Variants in RSPO2 observed in about 807,000 individuals in gnomAD.
The protein encoded by RSPO2 is R-spondin-2.
In RSPO2, 14 loss-of-function variants were observed where a neutral mutation model predicts 30.9. That is an observed-to-expected ratio of 0.45 (90% CI 0.30 to 0.71). The LOEUF is 0.71. Among genes scored for constraint, RSPO2 ranks in the 30% least tolerant of loss-of-function variants. The pLI, the probability that RSPO2 is intolerant of heterozygous loss-of-function variation, is 0.08. For missense variants in RSPO2, 264 were observed against 301.9 expected, an observed-to-expected ratio of 0.87 and a Z score of 0.93; for synonymous variants, 107 against 96.4, an observed-to-expected ratio of 1.11 and a Z score of -0.64.
Position 107,983,859 on chromosome 8 carries a change from A to G in RSPO2, c.283+5197T>C, listed in dbSNP as rs1181055224. On this transcript the variant is annotated intron_variant, in intron 3 of 5. Coordinates refer to ENST00000276659, the MANE Select transcript of RSPO2 (RefSeq NM_178565.5). ...CTCAACCTGGCAGAAGTTTGCAGCA[A>G]ATACTGGGAAAGCCAAGGACATTCC... The G allele has an allele frequency of 1.9e-5, 30 of 1,566,362 alleles. 1 individual carries two copies. In the Admixed American group the frequency reaches 3.5e-4, roughly 18 times the overall value.
At chr8:107,938,775 G>A (rs891949405) in intron 5 of RSPO2, among the ~76,000 whole-genome samples, 5 of 152,156 alleles carry the variant, frequency 3.3e-5, no homozygotes, top group Admixed American at 1.3e-4. Context: ...GGTGCCAAAT[G>A]CGTTCTGCAA....
chr8:108,080,143 T>A (rs1462597424), intron 2 of RSPO2, among the ~76,000 whole-genome samples: 1 of 152,182 alleles, frequency 6.6e-6, no homozygotes, highest in Admixed American at 6.5e-5. Context: ...ACTCTCACAA[T>A]GCAATCCTTA....
intron 2 of RSPO2, among the ~76,000 whole-genome samples, chr8:108,010,007 C>A (rs977420300): frequency 5.9e-5 from 9 of 151,992 alleles, no homozygotes; most frequent in African/African-American, 2.2e-4. Flanking sequence ...TAAGATTGTG[C>A]CACTGCACTC....
At chr8:107,939,525 T>G (rs1171482460) in intron 5 of RSPO2, among the ~76,000 whole-genome samples, 1 of 151,724 alleles carries the variant, frequency 6.6e-6, no homozygotes, top group Non-Finnish European at 1.5e-5. Flanking sequence ...TCTACTGTGC[T>G]TTTGACTCTG....
chr8:108,038,813 C>T (rs139985261), intron 2 of RSPO2, among the ~76,000 whole-genome samples: 28 of 151,752 alleles, frequency 1.8e-4, no homozygotes, highest in South Asian at 1.2e-3. Flanking sequence ...TTGTTTATTT[C>T]GACATAAGGC....
intron 2 of RSPO2, among the ~76,000 whole-genome samples, chr8:108,081,506 G>T (rs570720607): frequency 1.1e-4 from 16 of 152,334 alleles, no homozygotes; most frequent in African/African-American, 3.8e-4. Flanking sequence ...CCTGGGAAGG[G>T]GCTGCTGCGC....
chr8:107,988,690 CTA>C, intron 3 of RSPO2, among the ~76,000 whole-genome samples: 1 of 152,202 alleles, frequency 6.6e-6, no homozygotes, highest in East Asian at 1.9e-4. Flanking sequence ...CACAGCGGTG[CTA>C]TCTCAGCTCA....
intron 3 of RSPO2, among the ~76,000 whole-genome samples, chr8:107,982,931 C>T (rs760310488): frequency 1.3e-5 from 2 of 152,108 alleles, no homozygotes; most frequent in Non-Finnish European, 2.9e-5. Flanking sequence ...ATTGTTTGGA[C>T]ATTTGAGTTG....
intron 2 of RSPO2, among the ~76,000 whole-genome samples, chr8:107,998,820 G>A (rs1485125908): frequency 2.0e-5 from 3 of 152,066 alleles, no homozygotes; most frequent in Non-Finnish European, 4.4e-5. Flanking sequence ...GCTGAGGCAG[G>A]CCGATCACCT....
chr8:107,953,900 G>C (rs1813332058), intron 5 of RSPO2, among the ~76,000 whole-genome samples: 1 of 152,256 alleles, frequency 6.6e-6, no homozygotes, highest in Non-Finnish European at 1.5e-5. Context: ...AGTATACCCT[G>C]ACCCATTCAC....
At chr8:108,002,552 C>T (rs1815286629) in intron 2 of RSPO2, among the ~76,000 whole-genome samples, 1 of 152,060 alleles carries the variant, frequency 6.6e-6, no homozygotes, top group African/African-American at 2.4e-5. Flanking sequence ...TAATTCTCAC[C>T]GTGTTTAAGT....
chr8:107,997,704 G>A (rs1228553127), intron 2 of RSPO2, among the ~76,000 whole-genome samples: 1 of 152,026 alleles, frequency 6.6e-6, no homozygotes. Flanking sequence ...AAGCAGCATA[G>A]GTATTACTCT....
At chr8:108,065,457 A>C (rs1812636852) in intron 2 of RSPO2, among the ~76,000 whole-genome samples, 1 of 152,110 alleles carries the variant, frequency 6.6e-6, no homozygotes, top group Non-Finnish European at 1.5e-5. Flanking sequence ...TAATCCTCTC[A>C]ATAGGCATTC....
chr8:108,060,388 C>A (rs1238841949), intron 2 of RSPO2, among the ~76,000 whole-genome samples: 2 of 151,662 alleles, frequency 1.3e-5, no homozygotes, highest in Non-Finnish European at 2.9e-5. Flanking sequence ...ATGATGAATG[C>A]AAAAGCTTCA....
In RSPO2 at chr8:107,996,310, G is replaced by A. The variant is rs146336099; in HGVS notation, c.95-7066C>T. 2.0e-5 allele frequency among the ~76,000 whole-genome samples: 3 copies of A among 152,240 alleles called. No individual in the cohort carries two copies. The East Asian group carries it at 5.8e-4, about 29-fold the overall frequency. ...AATGATATTTAGAGAAACAATTTAT[G>A]ACTCTTTCACGAAAAAGCCACCCCT... is the stretch of plus-strand genomic sequence containing the variant. On this transcript the variant is annotated intron_variant, in intron 2 of 5. Coordinates refer to ENST00000276659, the MANE Select transcript of RSPO2 (RefSeq NM_178565.5).
intron 5 of RSPO2, among the ~76,000 whole-genome samples, chr8:107,903,335 CT>C (rs1811537765): frequency 6.6e-6 from 1 of 152,006 alleles, no homozygotes; most frequent in African/African-American, 2.4e-5. Flanking sequence ...TTAAAGAAAG[CT>C]TTTCACATTC....
intron 5 of RSPO2, among the ~76,000 whole-genome samples, chr8:107,909,723 T>C (rs1166476815): frequency 6.6e-6 from 1 of 152,210 alleles, no homozygotes; most frequent in African/African-American, 2.4e-5. Flanking sequence ...AAATTCTGCA[T>C]AAATAACAAC....
chr8:107,912,324 C>G (rs1408664488), intron 5 of RSPO2, among the ~76,000 whole-genome samples: 1 of 152,122 alleles, frequency 6.6e-6, no homozygotes, highest in Non-Finnish European at 1.5e-5. Context: ...GCATGCAATT[C>G]TAGAGCATAA....
At chr8:107,973,384 AGTTG>A (rs773783933) in intron 3 of RSPO2, among the ~76,000 whole-genome samples, 7,041 of 152,164 alleles carry the variant, frequency 0.046, 296 homozygotes, top group African/African-American at 0.11. Context: ...TTTAAGGTAC[AGTTG>A]ACCCTTGCAC....
Sources: gnomAD v4.1 joint callset for allele counts (sites outside exome capture counted in the v4.1 genomes callset) on GRCh38, gnomAD v4.1.1 for gene constraint, MANE v1.5 for transcripts, NCBI Gene and HGNC (gene_info 2026-07-23, HGNC 2026-07-21) for gene names.